The following MYO1B variants were observed in gnomAD, a reference collection of about 807,000 sequenced individuals.
The protein encoded by MYO1B is unconventional myosin-Ib.
A neutral mutation model predicts 159.7 loss-of-function variants in MYO1B; 72 were observed. The observed-to-expected ratio is 0.45, with a 90% CI of 0.37 to 0.55. MYO1B has a LOEUF of 0.55. MYO1B is among the 20% of genes least tolerant of loss of function. The pLI is 0.00. For synonymous variants in MYO1B, 468 were observed against 473.8 expected, an observed-to-expected ratio of 0.99 and a Z score of 0.16; for missense variants, 1,062 against 1,364.8, an observed-to-expected ratio of 0.78 and a Z score of 3.50.
chr2:191,325,507 G>A (rs1478716367), intron 3 of MYO1B, among the ~76,000 whole-genome samples: 1 of 152,150 alleles, frequency 6.6e-6, no homozygotes, highest in Non-Finnish European at 1.5e-5. Flanking sequence ...GAATGGATTA[G>A]ATTGTCTTTG....
At position 191,308,941 on chromosome 2, in the gene MYO1B, G is replaced by A. The variant is rs148295511; in HGVS notation, c.251+12715G>A. Reference sequence around the variant, plus strand: ...GCTGGCTGCTCCATATCCAGCCTCCGCATTCCCGTGGCAAGTCCAGGGGCT... The same window carrying A: ...GCTGGCTGCTCCATATCCAGCCTCCACATTCCCGTGGCAAGTCCAGGGGCT... On this transcript the variant is annotated intron_variant, in intron 3 of 30. Coordinates refer to ENST00000392318, the MANE Select transcript of MYO1B (RefSeq NM_001130158.3). Among the ~76,000 whole-genome samples the A allele has an allele frequency of 1.6e-3, 250 of 152,178 alleles. 1 individual carries two copies. Among genetic ancestry groups the A allele is most frequent in the African/African-American group, 5.4e-3 (225 of 41,522 alleles).
chr2:191,359,063 A>G (rs1693489288), intron 7 of MYO1B, among the ~76,000 whole-genome samples: 1 of 152,230 alleles, frequency 6.6e-6, no homozygotes, highest in Non-Finnish European at 1.5e-5. Flanking sequence ...TTAGCTTTTC[A>G]ATGAAGAATC....
At chr2:191,381,269 T>A in intron 13 of MYO1B, 193 bp from the exon 14 acceptor site, 1 of 656,400 alleles carries the variant, frequency 1.5e-6, no homozygotes, top group South Asian at 1.6e-5. Context: ...ACTTCATTCA[T>A]TCACTTACTC....
chr2:191,411,556 C>T (rs1456949118), intron 27 of MYO1B, among the ~76,000 whole-genome samples: 1 of 152,178 alleles, frequency 6.6e-6, no homozygotes, highest in African/African-American at 2.4e-5. Context: ...CCATTCCAGT[C>T]TTCCTGCCAT....
In MYO1B at chr2:191,390,409, C is replaced by A; in HGVS notation, c.1899C>A (p.Ala633=). The change falls in exon 18 of 31, where the codon GCC becomes GCA. Residue 633 remains alanine, a synonymous_variant. Coordinates refer to ENST00000392318, the MANE Select transcript of MYO1B (RefSeq NM_001130158.3). ...ENVRVRRAGY[A]FRQAYEPCLE... Reference sequence around the variant, plus strand: ...TCCGAGTGCGGAGGGCAGGCTACGCCTTCAGGCAGGCCTATGAACCTTGCC... The same window carrying A: ...TCCGAGTGCGGAGGGCAGGCTACGCATTCAGGCAGGCCTATGAACCTTGCC... The A allele has an allele frequency of 1.2e-6, 2 of 1,614,252 alleles. No individual in the cohort carries two copies. Among genetic ancestry groups the A allele is most frequent in the Non-Finnish European group, 1.7e-6 (2 of 1,180,048 alleles).
At chr2:191,368,787 A>G (rs1694173762) in intron 11 of MYO1B, among the ~76,000 whole-genome samples, 1 of 152,074 alleles carries the variant, frequency 6.6e-6, no homozygotes, top group Non-Finnish European at 1.5e-5. Flanking sequence ...CAGTCTGGCT[A>G]ACAAGGCAAA....
intron 3 of MYO1B, among the ~76,000 whole-genome samples, chr2:191,316,659 T>C (rs1690368712): frequency 6.6e-6 from 1 of 152,246 alleles, no homozygotes; most frequent in African/African-American, 2.4e-5. Flanking sequence ...CTAAAATCTT[T>C]GGAGACATGT....
intron 5 of MYO1B, among the ~76,000 whole-genome samples, chr2:191,342,897 ACT>A (rs1024576592): frequency 6.8e-6 from 1 of 147,928 alleles, no homozygotes; most frequent in Non-Finnish European, 1.5e-5. Context: ...ACAGAGGGAG[ACT>A]CTGTCTCAAA....
chr2:191,307,974 C>A (rs1689754327), intron 3 of MYO1B, among the ~76,000 whole-genome samples: 1 of 152,044 alleles, frequency 6.6e-6, no homozygotes, highest in East Asian at 1.9e-4. Context: ...CTCCATCTCC[C>A]CAAAAAAACA....
rs1011027093 is a variant in MYO1B at position 191,409,103 on chromosome 2, G to A, written c.2691G>A (p.Lys897=). ...NKMPSLSPID[K]NWPSRPYLFL... The stretch of plus-strand genomic sequence containing the variant: ...TGCCTTCCTTATCTCCAATAGACAA[G>A]AATTGGCCCTCAAGACCTTACTTAT... The change falls in exon 26 of 31, where the codon AAG becomes AAA. Residue 897 remains lysine (K), a synonymous_variant. Transcript: ENST00000392318. 38 of 1,613,282 alleles carry A rather than the reference G, an allele frequency of 2.4e-5. No individual in the cohort carries two copies. Among genetic ancestry groups the A allele is most frequent in the Non-Finnish European group, 3.1e-5 (37 of 1,179,804 alleles).
intron 1 of MYO1B, among the ~76,000 whole-genome samples, chr2:191,265,997 T>G (rs1687119411): frequency 6.6e-6 from 1 of 152,022 alleles, no homozygotes; most frequent in Admixed American, 6.5e-5. Flanking sequence ...GGGCATGACT[T>G]TCAGACCCAG....
chr2:191,277,164 A>G, intron 2 of MYO1B, 134 bp downstream of exon 2: 1 of 1,095,570 alleles, frequency 9.1e-7, no homozygotes, highest in Admixed American at 2.6e-5. Context: ...ATACCCTCAG[A>G]AAGAGTTGAG....
At chr2:191,253,890 CT>C (rs1207695594) in intron 1 of MYO1B, among the ~76,000 whole-genome samples, 1 of 152,192 alleles carries the variant, frequency 6.6e-6, no homozygotes, top group African/African-American at 2.4e-5. Context: ...TCATAAGCTT[CT>C]TTAATAGTTC....
At chr2:191,364,403 CAG>C in intron 11 of MYO1B, 127 bp downstream of exon 11, 1 of 724,010 alleles carries the variant, frequency 1.4e-6, no homozygotes, top group South Asian at 1.8e-5. Flanking sequence ...GCATTGGGAA[CAG>C]AGCAGTAAAC....
At chr2:191,400,307 C>T (rs1696529162) in intron 21 of MYO1B, 75 bp from the exon 22 acceptor site, 1 of 1,493,994 alleles carries the variant, frequency 6.7e-7, no homozygotes, top group Non-Finnish European at 9.3e-7. Flanking sequence ...ATCATCTCTT[C>T]AGGTTTTTTT....
intron 6 of MYO1B, among the ~76,000 whole-genome samples, chr2:191,347,538 A>C (rs950604275): frequency 1.3e-5 from 2 of 152,250 alleles, no homozygotes; most frequent in Non-Finnish European, 2.9e-5. Context: ...AGATCACAAA[A>C]ATGTAAAAAC....
At chr2:191,283,049 G>T (rs561282164) in intron 2 of MYO1B, among the ~76,000 whole-genome samples, 1 of 152,324 alleles carries the variant, frequency 6.6e-6, no homozygotes, top group South Asian at 2.1e-4. Flanking sequence ...AATCATGAGG[G>T]TGAAGGGAAA....
chr2:191,381,060 G>A (rs537233663), intron 13 of MYO1B: 2 of 327,650 alleles, frequency 6.1e-6, no homozygotes, highest in African/African-American at 4.3e-5. Context: ...TAAGGGGTCA[G>A]TTCAGGGGGA....
At chr2:191,318,866 C>A (rs1283748217) in intron 3 of MYO1B, among the ~76,000 whole-genome samples, 1 of 152,158 alleles carries the variant, frequency 6.6e-6, no homozygotes, top group Non-Finnish European at 1.5e-5. Context: ...TGTCAGGGCA[C>A]TTTCTGTGTA....
Sources: gnomAD v4.1 joint callset for allele counts (sites outside exome capture counted in the v4.1 genomes callset) on GRCh38, gnomAD v4.1.1 for gene constraint, MANE v1.5 for transcripts, NCBI Gene and HGNC (gene_info 2026-07-23, HGNC 2026-07-21) for gene names.